RNF125: variants seen among roughly 807,000 people sequenced by gnomAD.
RNF125 encodes E3 ubiquitin-protein ligase RNF125.
A neutral mutation model predicts 26.0 loss-of-function variants in RNF125; 21 were observed. The observed-to-expected ratio is 0.81, with a 90% CI of 0.57 to 1.16. RNF125 has a LOEUF of 1.16. RNF125 is among the 50% of genes most tolerant of loss of function. The pLI is 0.00. For synonymous variants in RNF125, 95 were observed against 109.2 expected (o/e 0.87, Z 0.81); for missense variants, 270 against 299.4 (o/e 0.90, Z 0.72).
At chr18:32,060,648 C>T (rs1218210901) in intron 4 of RNF125, among the ~76,000 whole-genome samples, 9 of 152,152 alleles carry the variant, frequency 5.9e-5, no homozygotes, top group Non-Finnish European at 1.3e-4. Flanking sequence ...TAAGTCAATA[C>T]TTAGGTAATC....
intron 2 of RNF125, among the ~76,000 whole-genome samples, 184 bp downstream of exon 2, chr18:32,037,453 C>A (rs2039169828): frequency 6.8e-6 from 1 of 146,044 alleles, no homozygotes; most frequent in Non-Finnish European, 1.5e-5. Context: ...CTTACTGCAA[C>A]CTCCGCCTCC....
chr18:32,050,969 C>G (rs371229913), intron 4 of RNF125, among the ~76,000 whole-genome samples: 1 of 142,130 alleles, frequency 7.0e-6, no homozygotes, highest in Admixed American at 7.6e-5. Flanking sequence ...GCGATCTGCT[C>G]TCCTCGGCCC....
chr18:32,066,302 TAAAA>T (rs2039485012), intron 5 of RNF125, among the ~76,000 whole-genome samples: 1 of 151,434 alleles, frequency 6.6e-6, no homozygotes, highest in Non-Finnish European at 1.5e-5. Context: ...ATACTAAAAA[TAAAA>T]AAATTAGCCA....
chr18:32,079,073 G>C, the RNF125 span, among the ~76,000 whole-genome samples: 1 of 152,224 alleles, frequency 6.6e-6, no homozygotes, highest in East Asian at 1.9e-4. Context: ...GGCAAAGGTT[G>C]GGATTTATCT....
At chr18:32,042,434 A>G (rs895989790) in intron 3 of RNF125, among the ~76,000 whole-genome samples, 161 bp downstream of exon 3, 2 of 152,256 alleles carry the variant, frequency 1.3e-5, no homozygotes, top group Non-Finnish European at 2.9e-5. Context: ...GATAGCAATC[A>G]TTGTTAAGGA....
chr18:32,048,458 G>T (rs2039294398), intron 4 of RNF125, among the ~76,000 whole-genome samples: 1 of 124,570 alleles, frequency 8.0e-6, no homozygotes, highest in African/African-American at 3.1e-5. Flanking sequence ...AAAAAAACCT[G>T]TCTCAAAAAA....
chr18:32,039,578 C>T (rs59035721), intron 2 of RNF125, among the ~76,000 whole-genome samples: 5,173 of 152,040 alleles, frequency 0.034, 303 homozygotes, highest in African/African-American at 0.12. Context: ...AGATTATTGC[C>T]TATTTTTACT....
the RNF125 span, among the ~76,000 whole-genome samples, chr18:32,078,971 G>C: frequency 6.6e-6 from 1 of 152,096 alleles, no homozygotes; most frequent in African/African-American, 2.4e-5. Context: ...TATATCACCA[G>C]TATCCCTTGA....
chr18:32,028,844 T>A (rs1316061346), intron 1 of RNF125, among the ~76,000 whole-genome samples: 1 of 152,098 alleles, frequency 6.6e-6, no homozygotes, highest in African/African-American at 2.4e-5. Flanking sequence ...TGAGCCACCC[T>A]GCCCAGCCAA....
chr18:32,021,226 G>A (rs1231887905), intron 1 of RNF125, among the ~76,000 whole-genome samples: 1 of 152,150 alleles, frequency 6.6e-6, no homozygotes, highest in Non-Finnish European at 1.5e-5. Flanking sequence ...GACTACAGGT[G>A]CCGCCACCAC....
At chr18:32,036,210 G>T (rs1035328377) in intron 1 of RNF125, among the ~76,000 whole-genome samples, 1 of 151,028 alleles carries the variant, frequency 6.6e-6, no homozygotes, top group Admixed American at 6.6e-5. Context: ...GGCTGGCCAC[G>T]CTGTTTTTGT....
At chr18:32,038,602 G>A (rs1202158457) in intron 2 of RNF125, among the ~76,000 whole-genome samples, 2 of 152,146 alleles carry the variant, frequency 1.3e-5, no homozygotes, top group East Asian at 1.9e-4. Context: ...TCTCTATCAA[G>A]CACACCTTGC....
intron 4 of RNF125, among the ~76,000 whole-genome samples, chr18:32,047,497 T>C (rs2039283701): frequency 6.6e-6 from 1 of 152,218 alleles, no homozygotes; most frequent in African/African-American, 2.4e-5. Context: ...TTAAAGTGCT[T>C]TCCAAAAAGT....
intron 4 of RNF125, among the ~76,000 whole-genome samples, chr18:32,060,042 A>G (rs2039420556): frequency 6.6e-6 from 1 of 152,206 alleles, no homozygotes; most frequent in South Asian, 2.1e-4. Context: ...TGTAAAACAA[A>G]GGTAGAGAAA....
intron 3 of RNF125, 35 bp from the exon 4 acceptor site, chr18:32,045,607 A>G (rs753094117): frequency 7.0e-7 from 1 of 1,432,472 alleles, no homozygotes; most frequent in Non-Finnish European, 9.6e-7. Context: ...GTTGCCAACC[A>G]TTTTAATATT....
chr18:32,076,364 T>G (rs1317996315), downstream of RNF125: 1 of 259,214 alleles, frequency 3.9e-6, no homozygotes, highest in African/African-American at 2.3e-5. Context: ...TCTTCCAGGC[T>G]GAGTGCAGTG....
At position 32,041,620 on chromosome 18, in the gene RNF125, C is replaced by CTT. The variant is rs60264747; in HGVS notation, c.319-532_319-531dup. Among the ~76,000 whole-genome samples the CTT allele has an allele frequency of 2.1e-3, 196 of 93,290 alleles. 21 individuals carry two copies. Among genetic ancestry groups the CTT allele is most frequent in the Middle Eastern group, 6.9e-3 (1 of 144 alleles). 61.2% of individuals were successfully genotyped at this position (93,290 alleles called of 152,430 possible). A position where few individuals can be genotyped will look rare whatever the true frequency, so the allele number is the denominator to read the frequency against. On this transcript the variant is annotated intron_variant, in intron 2 of 5. Coordinates refer to ENST00000217740, the MANE Select transcript of RNF125 (RefSeq NM_017831.4). ...CTATCTACTTTAAAAAATGTAGATG[C>CTT]TTTTTTTTTTTTTTTTTTTTTTTTT...
intron 1 of RNF125, among the ~76,000 whole-genome samples, chr18:32,036,651 AG>A (rs2039159089): frequency 1.1e-4 from 2 of 19,018 alleles, no homozygotes; most frequent in Non-Finnish European, 2.1e-4. Flanking sequence ...GGGAGAGGGG[AG>A]GGGAGGGAGG....
chr18:32,050,975 G>C (rs917412709), intron 4 of RNF125, among the ~76,000 whole-genome samples: 1 of 131,800 alleles, frequency 7.6e-6, no homozygotes, highest in South Asian at 2.6e-4. Context: ...TGCTCTCCTC[G>C]GCCCCGCAAA....
Sources: allele counts gnomAD v4.1 joint callset (sites outside exome capture counted in the v4.1 genomes callset), GRCh38; gene constraint gnomAD v4.1.1; transcripts MANE v1.5; gene names NCBI Gene and HGNC (gene_info 2026-07-23, HGNC 2026-07-21).